Variants in COG5 observed in about 807,000 individuals in gnomAD.
COG5 encodes the protein component of oligomeric golgi complex 5.
Under a neutral mutation model 110.4 loss-of-function variants are expected in COG5, and 86 were observed. That is an observed-to-expected ratio of 0.78 (90% CI 0.65 to 0.93). COG5 has a LOEUF of 0.93. Among genes scored for constraint, COG5 ranks in the 40% least tolerant of loss-of-function variants. The probability of loss-of-function intolerance (pLI) is 0.00; values close to 1 mark genes in which losing one functional copy is unlikely to be tolerated. For missense variants in COG5, 1,077 were observed against 987.0 expected, an observed-to-expected ratio of 1.09 and a Z score of -1.22; for synonymous variants, 360 against 334.6, an observed-to-expected ratio of 1.08 and a Z score of -0.83.
intron 14 of COG5, among the ~76,000 whole-genome samples, chr7:107,271,390 A>G (rs1804257829): frequency 6.6e-6 from 1 of 152,194 alleles, no homozygotes; most frequent in East Asian, 1.9e-4. Context: ...CAACCCCCTT[A>G]TAATACTGAG....
intron 6 of COG5, among the ~76,000 whole-genome samples, chr7:107,413,291 G>A (rs917018643): frequency 3.3e-5 from 5 of 151,850 alleles, no homozygotes; most frequent in Admixed American, 1.3e-4. Context: ...CTGGGCCCCA[G>A]TATTTTTAAA....
At chr7:107,302,557 A>T (rs1442661860) in intron 11 of COG5, among the ~76,000 whole-genome samples, 1 of 152,150 alleles carries the variant, frequency 6.6e-6, no homozygotes, top group African/African-American at 2.4e-5. Context: ...AAAGCTATTT[A>T]AGAGAAATTA....
At chr7:107,516,646 C>A (rs945365788) in intron 6 of COG5, among the ~76,000 whole-genome samples, 3 of 152,182 alleles carry the variant, frequency 2.0e-5, no homozygotes, top group Non-Finnish European at 4.4e-5. Context: ...CCCTCTGGGA[C>A]GAAGCTTCCA....
intron 21 of COG5, among the ~76,000 whole-genome samples, chr7:107,205,745 C>T (rs1271476656): frequency 1.3e-5 from 2 of 152,144 alleles, no homozygotes; most frequent in African/African-American, 4.8e-5. Context: ...GAAAGCCTTT[C>T]TTAACTCCAG....
chr7:107,281,081 C>A (rs1805126003), intron 14 of COG5, among the ~76,000 whole-genome samples: 1 of 151,846 alleles, frequency 6.6e-6, no homozygotes, highest in Non-Finnish European at 1.5e-5. Flanking sequence ...ATAAAACTTG[C>A]TTGTCTTCTG....
chr7:107,301,873 A>C (rs1807298312), intron 11 of COG5, among the ~76,000 whole-genome samples: 1 of 152,212 alleles, frequency 6.6e-6, no homozygotes, highest in Non-Finnish European at 1.5e-5. Context: ...TGCCTCAAAA[A>C]AAAAATGACC....
At chr7:107,233,304 C>T (rs1388785998) in intron 18 of COG5, among the ~76,000 whole-genome samples, 7 of 152,128 alleles carry the variant, frequency 4.6e-5, no homozygotes, top group Non-Finnish European at 1.0e-4. Flanking sequence ...TTAGTGATTT[C>T]AGAACTGCTG....
chr7:107,379,609 A>G (rs1230546728), intron 7 of COG5, among the ~76,000 whole-genome samples: 2 of 151,868 alleles, frequency 1.3e-5, no homozygotes, highest in African/African-American at 4.8e-5. Flanking sequence ...AAAAAAAAAA[A>G]AAAAAAGCGG....
At chr7:107,225,808 C>T (rs146708334) in intron 19 of COG5, among the ~76,000 whole-genome samples, 37 of 152,132 alleles carry the variant, frequency 2.4e-4, no homozygotes, top group African/African-American at 8.4e-4. Flanking sequence ...TTTGGGAGGC[C>T]GAGGCAGGCA....
intron 6 of COG5, among the ~76,000 whole-genome samples, chr7:107,517,008 GAACT>G (rs1563078260): frequency 6.6e-6 from 1 of 152,170 alleles, no homozygotes; most frequent in African/African-American, 2.4e-5. Context: ...AGGATGAGAT[GAACT>G]AATTGACAGA....
At chr7:107,311,369 C>CTT (rs1363120352) in intron 11 of COG5, among the ~76,000 whole-genome samples, 5 of 82,746 alleles carry the variant, frequency 6.0e-5, no homozygotes, top group Admixed American at 1.5e-4. Flanking sequence ...AGCGTATTTA[C>CTT]ATTTTTTTTT....
rs190307706 is a variant in COG5 at position 107,410,710 on chromosome 7, G to C, written c.669+1792C>G. Among the ~76,000 whole-genome samples the C allele has an allele frequency of 1.6e-3, 243 of 152,234 alleles. 1 individual carries two copies. The highest frequency in any genetic ancestry group is 5.5e-3 in the African/African-American group (228 of 41,546). On this transcript the variant is annotated intron_variant, in intron 7 of 21. Transcript: ENST00000297135. ...GCCCGCCTTGGCCTCCCAAAGTGCTGGGATTACAGGTGTGAGCCACCGTGC... is the reference window on the plus strand; with the variant it reads ...GCCCGCCTTGGCCTCCCAAAGTGCTCGGATTACAGGTGTGAGCCACCGTGC...
intron 17 of COG5, among the ~76,000 whole-genome samples, chr7:107,245,444 T>A (rs1801980415): frequency 6.6e-6 from 1 of 152,196 alleles, no homozygotes; most frequent in African/African-American, 2.4e-5. Flanking sequence ...GCAGATGACA[T>A]GATTCTATAT....
chr7:107,497,030 C>A (rs894977892), intron 6 of COG5, among the ~76,000 whole-genome samples: 1 of 151,724 alleles, frequency 6.6e-6, no homozygotes. Context: ...GACAACATAG[C>A]GAGACTCCAT....
chr7:107,351,485 T>C (rs1270408701), intron 10 of COG5, among the ~76,000 whole-genome samples: 1 of 152,156 alleles, frequency 6.6e-6, no homozygotes, highest in Non-Finnish European at 1.5e-5. Context: ...GAAGAGCTTC[T>C]GCACAGCAAA....
intron 11 of COG5, among the ~76,000 whole-genome samples, chr7:107,303,773 GTAGTTA>G (rs1312197749): frequency 6.6e-6 from 1 of 152,030 alleles, no homozygotes; most frequent in East Asian, 1.9e-4. Flanking sequence ...TATTTGATAT[GTAGTTA>G]TAAAGTGTTC....
chr7:107,336,106 C>G (rs1291543474), intron 10 of COG5, among the ~76,000 whole-genome samples: 1 of 152,084 alleles, frequency 6.6e-6, no homozygotes, highest in Non-Finnish European at 1.5e-5. Context: ...ATCTGTACTC[C>G]CTTGTTTAAT....
chr7:107,298,138 A>G lies in COG5; in HGVS notation c.1313+4T>C, dbSNP rs766711784. 1.3e-6 allele frequency: 2 copies of G among 1,524,100 alleles called. No individual in the cohort carries two copies. Among genetic ancestry groups the G allele is most frequent in the South Asian group, 2.7e-5 (2 of 74,342 alleles). The allele number at this position is 1,524,100 out of a possible 1,614,324, so 94.4% of individuals were successfully genotyped here. A position where few individuals can be genotyped will look rare whatever the true frequency, so the allele number is the denominator to read the frequency against. Reference sequence around the variant, plus strand: ...AACTAACAGGTCAAATTAAACAAACATACTCATAATCTGGCTTTTTTGGTA... The same window carrying G: ...AACTAACAGGTCAAATTAAACAAACGTACTCATAATCTGGCTTTTTTGGTA... On this transcript the variant is annotated splice_donor_region_variant and intron_variant, in intron 12 of 21. Coordinates refer to ENST00000297135, the MANE Select transcript of COG5 (RefSeq NM_006348.5).
At chr7:107,432,647 T>C (rs555638658) in intron 6 of COG5, among the ~76,000 whole-genome samples, 2 of 152,290 alleles carry the variant, frequency 1.3e-5, no homozygotes, top group South Asian at 4.1e-4. Flanking sequence ...AATAAAGTCT[T>C]TTCTACTTAA....
Sources: allele counts gnomAD v4.1 joint callset (sites outside exome capture counted in the v4.1 genomes callset), GRCh38; gene constraint gnomAD v4.1.1; transcripts MANE v1.5; gene names NCBI Gene and HGNC (gene_info 2026-07-23, HGNC 2026-07-21).